Variants in PNISR observed in about 807,000 individuals in gnomAD.
The protein encoded by PNISR is arginine/serine-rich protein PNISR.
PNISR carries 20 observed loss-of-function variants against 93.4 expected under a neutral mutation model. That is an observed-to-expected ratio of 0.21 (90% CI 0.15 to 0.31). PNISR has a LOEUF of 0.31. PNISR is among the 10% of genes least tolerant of loss of function. The pLI is 1.00. For synonymous variants in PNISR, 305 were observed against 306.5 expected (o/e 0.99, Z 0.05); for missense variants, 893 against 985.4 (o/e 0.91, Z 1.25).
At chr6:99,403,950 C>T in intron 9 of PNISR, 68 bp from the exon 10 acceptor site, 1 of 1,098,710 alleles carries the variant, frequency 9.1e-7, no homozygotes. Flanking sequence ...AGTCATGAGT[C>T]TATGGTATTG....
rs770475746 is a variant in PNISR, at chr6:99,404,727, A to G, written c.1003-25T>C. On this transcript the variant is annotated intron_variant, in intron 8 of 11. Coordinates refer to ENST00000369239, the MANE Select transcript of PNISR (RefSeq NM_032870.4). ...TCTAAAAAAGAGCATTTTATACAGT[A>G]TTTCTAATTATTATAGCTACTAATA... 3.6e-6 allele frequency: 4 copies of G among 1,115,032 alleles called. No homozygotes were observed. In the South Asian group the frequency reaches 5.1e-5, roughly 14 times the overall value. 69.1% of individuals were successfully genotyped at this position (1,115,032 alleles called of 1,614,324 possible).
intron 1 of PNISR, among the ~76,000 whole-genome samples, chr6:99,421,846 TA>T (rs1330856413): frequency 1.3e-5 from 2 of 152,226 alleles, no homozygotes; most frequent in Admixed American, 1.3e-4. Context: ...TTTGAGGTCC[TA>T]AAACAACTTG....
intron 10 of PNISR, chr6:99,403,229 C>T (rs1408706655): frequency 6.6e-6 from 1 of 152,208 alleles, no homozygotes; most frequent in East Asian, 1.9e-4. Flanking sequence ...TTTGGTTCTA[C>T]CCACTTCTCT....
intron 4 of PNISR, 173 bp downstream of exon 4, chr6:99,412,378 T>G: frequency 2.9e-6 from 2 of 700,404 alleles, no homozygotes; most frequent in South Asian, 3.0e-5. Flanking sequence ...GCAGAATGAG[T>G]ACAGAATAAT....
chr6:99,401,486 G>A lies in PNISR; in HGVS notation c.1472C>T (p.Ser491Leu), dbSNP rs1412595912. 1.9e-6 allele frequency: 3 copies of A among 1,612,770 alleles called. No homozygotes were observed. Among genetic ancestry groups the A allele is most frequent in the Non-Finnish European group, 2.5e-6 (3 of 1,179,750 alleles). The change falls in exon 12 of 12, where the codon TCA (serine) becomes TTA (leucine). Residue 491 changes from serine (S) to leucine (L), a missense_variant. Coordinates refer to ENST00000369239, the MANE Select transcript of PNISR (RefSeq NM_032870.4). ...ATGCTCTTTTTTTGGTTCTAAAACT[G>A]ATGTGGTTTCATTTGGAGTTCTCTT... ...EKKRTPNETT[S>L]VLEPKKEHKE... is the part of the protein sequence containing the mutation.
Position 99,414,581 on chromosome 6 carries a change from G to C in PNISR, c.79C>G (p.Gln27Glu). The C allele has an allele frequency of 1.9e-6, 3 of 1,577,120 alleles. No individual in the cohort carries two copies. In the South Asian group the frequency reaches 3.3e-5, roughly 18 times the overall value. The change falls in exon 3 of 12, where the codon CAG becomes GAG. Residue 27 changes from glutamine (Q) to glutamate (E), a missense_variant. Coordinates refer to ENST00000369239, the MANE Select transcript of PNISR (RefSeq NM_032870.4). ...CAATTTGTTTCCTTACTTGGATCCT[G>C]TTGGTGCTGGAATGACTGCATCCAT... is the stretch of plus-strand genomic sequence containing the variant. ...QQWMQSFQHQ[Q>E]DPSQIDWAAL...
chr6:99,407,338 CAAAA>C (rs67886910), intron 7 of PNISR, among the ~76,000 whole-genome samples: 1 of 122,100 alleles, frequency 8.2e-6, no homozygotes, highest in African/African-American at 2.9e-5. Flanking sequence ...CCTAAAAAGA[CAAAA>C]AAAAAAAAAA....
intron 7 of PNISR, among the ~76,000 whole-genome samples, chr6:99,406,641 G>C (rs1358187172): frequency 6.6e-6 from 1 of 152,048 alleles, no homozygotes; most frequent in East Asian, 1.9e-4. Flanking sequence ...ATTTTTCAGG[G>C]CCAAGATCTC....
Position 99,414,615 on chromosome 6 carries a change from G to A in PNISR, c.45C>T (p.Asn15=), listed in dbSNP as rs1777421034. 6.2e-7 allele frequency: 1 copy of A among 1,607,908 alleles called. No homozygotes were observed. Among genetic ancestry groups the A allele is most frequent in the African/African-American group, 1.3e-5 (1 of 74,642 alleles). ...GGQPWQQWPL[N]QQQWMQSFQH... ...GGAATGACTGCATCCATTGTTGCTGGTTCAAGGGCCACTGCTGCCAAGGCT... is the reference window on the plus strand; with the variant it reads ...GGAATGACTGCATCCATTGTTGCTGATTCAAGGGCCACTGCTGCCAAGGCT... Residue 15 remains asparagine (N), a synonymous_variant, in exon 3 of 12, where the codon AAC becomes AAT. Coordinates refer to ENST00000369239, the MANE Select transcript of PNISR (RefSeq NM_032870.4).
chr6:99,420,821 A>C (rs988754329), intron 1 of PNISR, among the ~76,000 whole-genome samples: 6 of 152,170 alleles, frequency 3.9e-5, no homozygotes, highest in African/African-American at 1.4e-4. Context: ...ATACAATAAT[A>C]CTTTTTATAG....
intron 3 of PNISR, among the ~76,000 whole-genome samples, chr6:99,413,678 A>G (rs2128489252): frequency 6.6e-6 from 1 of 152,306 alleles, no homozygotes; most frequent in African/African-American, 2.4e-5. Flanking sequence ...AATAATTTTT[A>G]TTTTGCAAGT....
At position 99,409,162 on chromosome 6, in the gene PNISR, T is replaced by TA; in HGVS notation, c.673+10dup. ...CCAATTGTGGTCCACTAAACTAAGT[T>TA]AAATAGCTACCAATTTGTGGAGGCT... On this transcript the variant is annotated intron_variant, in intron 6 of 11. Transcript: ENST00000369239. 6.2e-7 allele frequency: 1 copy of TA among 1,610,482 alleles called. No individual in the cohort carries two copies. Among genetic ancestry groups the TA allele is most frequent in the Non-Finnish European group, 8.5e-7 (1 of 1,176,976 alleles).
chr6:99,407,149 G>A (rs943270216), intron 7 of PNISR, among the ~76,000 whole-genome samples: 7 of 151,892 alleles, frequency 4.6e-5, no homozygotes, highest in African/African-American at 1.5e-4. Flanking sequence ...GTGAAACCCC[G>A]TCTCTACGAA....
intron 5 of PNISR, 151 bp downstream of exon 5, chr6:99,410,590 T>G (rs1776784558): frequency 3.6e-6 from 2 of 553,802 alleles, no homozygotes; most frequent in Non-Finnish European, 6.4e-6. Context: ...CTAATTATTT[T>G]AATACTCAAA....
chr6:99,425,142 C>T (rs766782998), intron 1 of PNISR, 73 bp downstream of exon 1: 10 of 1,040,104 alleles, frequency 9.6e-6, no homozygotes, highest in Non-Finnish European at 1.1e-5. Context: ...AGTTATGCTA[C>T]CTTCGCCACA....
In PNISR at chr6:99,408,165, A is replaced by C; in HGVS notation, c.780T>G (p.Arg260=). ...KLEKERMEQQ[R]SQLSKKEKKA... ...TTTTTTCTTTTTTGGACAATTGTGAACGTTGTTGTTCCATTCTTTCTTTCT... is the reference window on the plus strand; with the variant it reads ...TTTTTTCTTTTTTGGACAATTGTGACCGTTGTTGTTCCATTCTTTCTTTCT... The change falls in exon 7 of 12, where the codon CGT becomes CGG. Residue 260 remains arginine (R), a synonymous_variant. Transcript: ENST00000369239. 2.5e-6 allele frequency: 4 copies of C among 1,613,590 alleles called. No individual in the cohort carries two copies. The highest frequency in any genetic ancestry group is 3.4e-6 in the Non-Finnish European group (4 of 1,179,704).
chr6:99,419,193 G>C (rs1778209289), intron 1 of PNISR, among the ~76,000 whole-genome samples: 1 of 58,666 alleles, frequency 1.7e-5, no homozygotes, highest in Non-Finnish European at 3.9e-5. Flanking sequence ...AAAAAAAAGG[G>C]CAATTTACCA....
chr6:99,403,531 T>C (rs1775779901), intron 10 of PNISR: 2 of 179,054 alleles, frequency 1.1e-5, no homozygotes, highest in South Asian at 1.8e-4. Context: ...GTACAAACTA[T>C]AGGTGTTCAT....
At chr6:99,419,890 CTT>C (rs67572715) in intron 1 of PNISR, among the ~76,000 whole-genome samples, 1 of 146,190 alleles carries the variant, frequency 6.8e-6, no homozygotes. Context: ...TAACTGCATT[CTT>C]TTTTTTTTTT....
Sources: allele counts gnomAD v4.1 joint callset (sites outside exome capture counted in the v4.1 genomes callset), GRCh38; gene constraint gnomAD v4.1.1; transcripts MANE v1.5; gene names NCBI Gene and HGNC (gene_info 2026-07-23, HGNC 2026-07-21).